Variants in PCDH9 observed in about 807,000 individuals in gnomAD.
PCDH9 encodes the protein protocadherin-9.
Under a neutral mutation model 70.6 loss-of-function variants are expected in PCDH9, and 24 were observed. That is an observed-to-expected ratio of 0.34 (90% CI 0.25 to 0.48). The LOEUF is 0.48. Among genes scored for constraint, PCDH9 ranks in the 20% least tolerant of loss-of-function variants. The pLI, the probability that PCDH9 is intolerant of heterozygous loss-of-function variation, is 0.99. For synonymous variants in PCDH9, 562 were observed against 558.5 expected (o/e 1.01, Z -0.09); for missense variants, 1,281 against 1,503.6 (o/e 0.85, Z 2.45).
At chr13:66,695,049 A>C (rs1274359060) in intron 3 of PCDH9, among the ~76,000 whole-genome samples, 1 of 151,726 alleles carries the variant, frequency 6.6e-6, no homozygotes, top group South Asian at 2.1e-4. Context: ...GACTACAGGC[A>C]CCTGCCACCA....
chr13:66,357,939 G>C (rs1338645723), intron 4 of PCDH9, among the ~76,000 whole-genome samples: 1 of 24,030 alleles, frequency 4.2e-5, no homozygotes, highest in African/African-American at 6.0e-5. Flanking sequence ...TATTAATGCA[G>C]AAAGCGCACA....
intron 2 of PCDH9, among the ~76,000 whole-genome samples, chr13:67,188,974 T>C (rs1489807897): frequency 1.3e-5 from 2 of 152,024 alleles, no homozygotes; most frequent in African/African-American, 2.4e-5. Flanking sequence ...CCAAAGTCCA[T>C]TGTGTCATTC....
intron 4 of PCDH9, among the ~76,000 whole-genome samples, chr13:66,324,770 C>A (rs267317): frequency 0.016 from 2,478 of 152,044 alleles, 92 homozygotes; most frequent in African/African-American, 0.056. Context: ...AGAAAGACAT[C>A]ATCTATAATC....
chr13:66,452,121 G>T (rs918502961), intron 4 of PCDH9, among the ~76,000 whole-genome samples: 2 of 152,224 alleles, frequency 1.3e-5, no homozygotes, highest in Non-Finnish European at 2.9e-5. Flanking sequence ...ATATCTGAAA[G>T]AAAATTACTT....
At chr13:66,704,150 A>G (rs1035108050) in intron 3 of PCDH9, among the ~76,000 whole-genome samples, 3 of 152,236 alleles carry the variant, frequency 2.0e-5, no homozygotes, top group African/African-American at 7.2e-5. Flanking sequence ...TGTAGCTCTC[A>G]TATAGAAACT....
intron 3 of PCDH9, among the ~76,000 whole-genome samples, chr13:66,819,305 C>G (rs895569888): frequency 7.6e-5 from 11 of 145,480 alleles, no homozygotes; most frequent in Middle Eastern, 6.6e-3. Context: ...CTTGCTTCCT[C>G]CCAAAGTAAT....
At chr13:66,547,729 T>A (rs2138672126) in intron 4 of PCDH9, among the ~76,000 whole-genome samples, 1 of 151,994 alleles carries the variant, frequency 6.6e-6, no homozygotes, top group East Asian at 1.9e-4. Context: ...AAAAAGTGAT[T>A]TGCCCATTTC....
intron 2 of PCDH9, among the ~76,000 whole-genome samples, chr13:67,042,147 G>A (rs1377484019): frequency 1.3e-5 from 2 of 152,146 alleles, no homozygotes; most frequent in African/African-American, 2.4e-5. Context: ...GGGGCTTGTA[G>A]CGTGAAAGAG....
At chr13:66,643,861 GC>G (rs1057038960) in intron 3 of PCDH9, among the ~76,000 whole-genome samples, 1 of 151,952 alleles carries the variant, frequency 6.6e-6, no homozygotes, top group Admixed American at 6.6e-5. Flanking sequence ...ACACAGAATT[GC>G]CTTCTAATTT....
intron 3 of PCDH9, among the ~76,000 whole-genome samples, chr13:66,727,867 T>A (rs968870698): frequency 6.6e-6 from 1 of 152,160 alleles, no homozygotes; most frequent in Admixed American, 6.5e-5. Flanking sequence ...TGTTAAGGCA[T>A]ACGTAAACTT....
At chr13:66,807,460 T>C (rs979025720) in intron 3 of PCDH9, among the ~76,000 whole-genome samples, 2 of 152,304 alleles carry the variant, frequency 1.3e-5, no homozygotes, top group Admixed American at 6.5e-5. Context: ...ATATAAGAAC[T>C]TGCAGCTGGG....
At chr13:66,978,814 ATG>A (rs10585599) in intron 2 of PCDH9, among the ~76,000 whole-genome samples, 120,622 of 149,460 alleles carry the variant, frequency 0.81, 48,989 homozygotes, top group East Asian at 0.97. Flanking sequence ...GTATGTATAT[ATG>A]TGTGTATATA....
At chr13:66,363,670 T>C (rs962438659) in intron 4 of PCDH9, among the ~76,000 whole-genome samples, 8 of 152,200 alleles carry the variant, frequency 5.3e-5, no homozygotes, top group African/African-American at 1.9e-4. Flanking sequence ...AAAATCCAGA[T>C]GGCAGAGATA....
intron 3 of PCDH9, among the ~76,000 whole-genome samples, chr13:66,751,583 A>G (rs896425757): frequency 1.3e-5 from 2 of 152,190 alleles, no homozygotes; most frequent in Admixed American, 1.3e-4. Flanking sequence ...AGTGATGTAG[A>G]GATTTCATGA....
chr13:66,871,860 T>C (rs2081696353), intron 3 of PCDH9, among the ~76,000 whole-genome samples: 1 of 152,122 alleles, frequency 6.6e-6, no homozygotes, highest in Non-Finnish European at 1.5e-5. Context: ...ATTCTCTTTG[T>C]CTGAAACATA....
intron 2 of PCDH9, among the ~76,000 whole-genome samples, chr13:67,077,122 A>C (rs1178176245): frequency 6.6e-6 from 1 of 152,172 alleles, no homozygotes; most frequent in Non-Finnish European, 1.5e-5. Context: ...CTGTTCAAAA[A>C]ATGACCTTTA....
At chr13:66,559,207 C>A (rs1961883766) in intron 4 of PCDH9, among the ~76,000 whole-genome samples, 1 of 152,146 alleles carries the variant, frequency 6.6e-6, no homozygotes, top group Non-Finnish European at 1.5e-5. Flanking sequence ...CAAAACTACT[C>A]ATATGTTCAC....
intron 3 of PCDH9, among the ~76,000 whole-genome samples, chr13:66,833,490 C>A (rs982757031): frequency 6.6e-6 from 1 of 152,114 alleles, no homozygotes; most frequent in African/African-American, 2.4e-5. Flanking sequence ...TGGTACATAA[C>A]ATTCTATGTT....
rs1388060099 is a variant in PCDH9 at position 66,811,579 on chromosome 13, C to T, written c.3138+91925G>A. On this transcript the variant is annotated intron_variant, in intron 3 of 4. Coordinates refer to ENST00000377865, the MANE Select transcript of PCDH9 (RefSeq NM_203487.3). ...GTTTGATTCATTCCTCCCTCCCTCC[C>T]TCCCTCCCTTTCTTCCTTCCTACCT... Among the ~76,000 whole-genome samples, 6 of 149,908 alleles carry T rather than the reference C, an allele frequency of 4.0e-5. No homozygotes were observed. The East Asian group carries it at 1.2e-3, about 29-fold the overall frequency.
Sources: gnomAD v4.1 joint callset for allele counts (sites outside exome capture counted in the v4.1 genomes callset) on GRCh38, gnomAD v4.1.1 for gene constraint, MANE v1.5 for transcripts, NCBI Gene and HGNC (gene_info 2026-07-23, HGNC 2026-07-21) for gene names.